The following CSMD1 variants were observed in gnomAD, a reference collection of about 807,000 sequenced individuals.
CSMD1 encodes CUB and Sushi multiple domains 1, also known as CUB and sushi domain-containing protein 1.
Under a neutral mutation model 417.5 loss-of-function variants are expected in CSMD1, and 213 were observed. That is an observed-to-expected ratio of 0.51 (90% CI 0.46 to 0.57). The LOEUF (loss-of-function observed/expected upper bound fraction) is 0.57, where lower values mean the gene tolerates loss of function less well. CSMD1 is among the 20% of genes least tolerant of loss of function. The probability of loss-of-function intolerance (pLI) is 0.00; values close to 1 mark genes in which losing one functional copy is unlikely to be tolerated. For missense variants in CSMD1, 6,923 were observed against 4,529.7 expected, an observed-to-expected ratio of 1.53 and a Z score of -15.17; for synonymous variants, 2,862 against 1,736.8, an observed-to-expected ratio of 1.65 and a Z score of -16.11.
At position 3,982,833 on chromosome 8, in the gene CSMD1, T is replaced by A. The variant is rs570620212; in HGVS notation, c.818+15070A>T. ...TCTGAGGGGAGCACGATGGTCACTT[T>A]CATCATTGCAGCTCTACGCATACCA... On this transcript the variant is annotated intron_variant, in intron 5 of 69. Transcript: ENST00000635120. Among the ~76,000 whole-genome samples, 95 of 152,344 alleles carry A rather than the reference T, an allele frequency of 6.2e-4. 1 individual carries two copies. Among genetic ancestry groups the A allele is most frequent in the African/African-American group, 2.2e-3 (91 of 41,586 alleles).
At chr8:4,126,409 C>A (rs142563989) in intron 3 of CSMD1, among the ~76,000 whole-genome samples, 2 of 152,168 alleles carry the variant, frequency 1.3e-5, no homozygotes, top group African/African-American at 2.4e-5. Context: ...AAACACCCAT[C>A]ACAGGACAGC....
chr8:3,996,571 A>G (rs1052591144), intron 5 of CSMD1, among the ~76,000 whole-genome samples: 1 of 152,016 alleles, frequency 6.6e-6, no homozygotes, highest in Non-Finnish European at 1.5e-5. Flanking sequence ...GCTTCCATGA[A>G]CTCTAATGTT....
intron 5 of CSMD1, among the ~76,000 whole-genome samples, chr8:3,770,400 G>A (rs777879376): frequency 1.9e-4 from 29 of 152,158 alleles, no homozygotes; most frequent in South Asian, 6.2e-4. Context: ...ACGGTGGTGC[G>A]TGCCTGTAAT....
At chr8:3,876,919 C>T (rs1353091963) in intron 5 of CSMD1, among the ~76,000 whole-genome samples, 1 of 152,214 alleles carries the variant, frequency 6.6e-6, no homozygotes, top group Non-Finnish European at 1.5e-5. Flanking sequence ...TCCAGCCTCT[C>T]ATGCTTGGCT....
chr8:3,503,392 A>T (rs1796688479), intron 10 of CSMD1, among the ~76,000 whole-genome samples: 1 of 152,370 alleles, frequency 6.6e-6, no homozygotes, highest in African/African-American at 2.4e-5. Flanking sequence ...CAAAAAGTCA[A>T]AGCTGCTAGT....
chr8:4,867,884 T>C (rs1802509757), intron 1 of CSMD1, among the ~76,000 whole-genome samples: 3 of 152,140 alleles, frequency 2.0e-5, no homozygotes, highest in Admixed American at 2.0e-4. Flanking sequence ...ACATTAAATA[T>C]GTTGCCACAA....
chr8:3,713,799 A>C (rs1801665078), intron 6 of CSMD1, among the ~76,000 whole-genome samples: 1 of 152,246 alleles, frequency 6.6e-6, no homozygotes, highest in African/African-American at 2.4e-5. Flanking sequence ...TATAGAGACC[A>C]ACTACTTGCA....
In CSMD1 at chr8:3,308,294, G is replaced by T; in HGVS notation, c.3823+18C>A. On this transcript the variant is annotated intron_variant, in intron 24 of 69. Coordinates refer to ENST00000635120, the MANE Select transcript of CSMD1 (RefSeq NM_033225.6). ...AGGCCTGGCTTTTGCACAATGGTAT[G>T]ACTGCTTCCACACTCACCTATGCAC... 1.3e-6 allele frequency: 2 copies of T among 1,587,628 alleles called. No individual in the cohort carries two copies. Among genetic ancestry groups the T allele is most frequent in the South Asian group, 2.2e-5 (2 of 89,358 alleles).
At position 3,408,081 on chromosome 8, in the gene CSMD1, T is replaced by C; in HGVS notation, c.1889A>G (p.Asp630Gly). The change falls in exon 14 of 70, where the codon GAT (aspartate) becomes GGT (glycine). Residue 630 changes from aspartate (D) to glycine (G), a missense_variant. Coordinates refer to ENST00000635120, the MANE Select transcript of CSMD1 (RefSeq NM_033225.6). ...SRIHLIFNDFDVEPQFDFLAV... is the reference protein window; with the variant it reads ...SRIHLIFNDFGVEPQFDFLAV... ...GAGAAAGTCAAACTGAGGCTCAACA[T>C]CAAAATCATTAAAGATTAGGTGAAT... is the stretch of plus-strand genomic sequence containing the variant. 1.2e-6 allele frequency: 2 copies of C among 1,613,840 alleles called. No homozygotes were observed. Among genetic ancestry groups the C allele is most frequent in the Non-Finnish European group, 1.7e-6 (2 of 1,179,862 alleles).
chr8:2,958,635 A>T (rs967775198), intron 62 of CSMD1, among the ~76,000 whole-genome samples: 6 of 152,144 alleles, frequency 3.9e-5, no homozygotes, highest in Non-Finnish European at 8.8e-5. Context: ...GGCCAGCATG[A>T]CTCATGTATA....
At chr8:2,975,295 A>C (rs775336053) in intron 55 of CSMD1, among the ~76,000 whole-genome samples, 2 of 152,210 alleles carry the variant, frequency 1.3e-5, no homozygotes, top group Admixed American at 6.5e-5. Flanking sequence ...CAAACTCTGT[A>C]ATCCAGATTA....
At chr8:3,902,906 T>G (rs1015256802) in intron 5 of CSMD1, among the ~76,000 whole-genome samples, 1 of 152,190 alleles carries the variant, frequency 6.6e-6, no homozygotes, top group Non-Finnish European at 1.5e-5. Context: ...CATCCTGATC[T>G]TAACCACTTA....
At chr8:4,842,812 G>C (rs1247739239) in intron 1 of CSMD1, among the ~76,000 whole-genome samples, 1 of 152,212 alleles carries the variant, frequency 6.6e-6, no homozygotes, top group Admixed American at 6.5e-5. Context: ...TTTCAAAACA[G>C]TGAGTCACTT....
intron 2 of CSMD1, among the ~76,000 whole-genome samples, chr8:4,452,134 C>T (rs1346502186): frequency 1.3e-5 from 2 of 152,098 alleles, no homozygotes; most frequent in South Asian, 2.1e-4. Flanking sequence ...TGTACAAACA[C>T]CAGCTTTCAT....
intron 19 of CSMD1, among the ~76,000 whole-genome samples, chr8:3,368,066 A>C (rs1809717871): frequency 6.6e-6 from 1 of 152,226 alleles, no homozygotes; most frequent in African/African-American, 2.4e-5. Flanking sequence ...CTGGATTCCT[A>C]TAGTGAAATT....
At chr8:3,754,674 C>T (rs917630338) in intron 5 of CSMD1, among the ~76,000 whole-genome samples, 2 of 152,160 alleles carry the variant, frequency 1.3e-5, no homozygotes, top group African/African-American at 4.8e-5. Flanking sequence ...AGGCTGGTCT[C>T]GAACTTGTGA....
At chr8:3,169,545 T>C (rs932399020) in intron 37 of CSMD1, among the ~76,000 whole-genome samples, 1 of 152,100 alleles carries the variant, frequency 6.6e-6, no homozygotes, top group Non-Finnish European at 1.5e-5. Flanking sequence ...TAGTGTTTAA[T>C]GAGTGCAGAG....
At chr8:4,875,748 C>T (rs968354757) in intron 1 of CSMD1, among the ~76,000 whole-genome samples, 1 of 152,026 alleles carries the variant, frequency 6.6e-6, no homozygotes, top group Non-Finnish European at 1.5e-5. Context: ...TATGCTCAAA[C>T]AAGCAACCTT....
At chr8:4,032,889 G>A (rs908244310) in intron 3 of CSMD1, among the ~76,000 whole-genome samples, 2 of 152,090 alleles carry the variant, frequency 1.3e-5, no homozygotes, top group Admixed American at 6.5e-5. Context: ...GCCGTGGTGG[G>A]ATGGGGCAGT....
Sources: gnomAD v4.1 joint callset for allele counts (sites outside exome capture counted in the v4.1 genomes callset) on GRCh38, gnomAD v4.1.1 for gene constraint, MANE v1.5 for transcripts, NCBI Gene and HGNC (gene_info 2026-07-23, HGNC 2026-07-21) for gene names.